The following SWAP70 variants were observed in gnomAD, a reference collection of about 807,000 sequenced individuals.
SWAP70 encodes the protein switching B cell complex subunit SWAP70.
A neutral mutation model predicts 80.2 loss-of-function variants in SWAP70; 34 were observed. The observed-to-expected ratio is 0.42, with a 90% CI of 0.32 to 0.56. The LOEUF (loss-of-function observed/expected upper bound fraction) is 0.56. Among genes scored for constraint, SWAP70 ranks in the 20% least tolerant of loss-of-function variants. SWAP70 has a pLI of 0.09. For synonymous variants in SWAP70, 239 were observed against 238.5 expected (o/e 1.00, Z -0.02); for missense variants, 578 against 690.7 (o/e 0.84, Z 1.83).
chr11:9,688,005 A>G (rs1264803831), intron 1 of SWAP70, among the ~76,000 whole-genome samples: 1 of 152,224 alleles, frequency 6.6e-6, no homozygotes, highest in African/African-American at 2.4e-5. Flanking sequence ...ACTGTGGGAC[A>G]GAGAGCTAAG....
At chr11:9,669,680 G>A (rs144824742) in intron 1 of SWAP70, among the ~76,000 whole-genome samples, 1 of 152,244 alleles carries the variant, frequency 6.6e-6, no homozygotes, top group African/African-American at 2.4e-5. Context: ...ATGTGTTCCT[G>A]TGTGTGTATG....
intron 3 of SWAP70, among the ~76,000 whole-genome samples, chr11:9,718,989 A>G (rs912566633): frequency 6.7e-6 from 1 of 148,302 alleles, no homozygotes; most frequent in African/African-American, 2.5e-5. Context: ...AGTCTCAGCT[A>G]CTCGGGAGGC....
intron 2 of SWAP70, among the ~76,000 whole-genome samples, chr11:9,711,972 C>T (rs564303731): frequency 2.6e-5 from 4 of 152,284 alleles, no homozygotes; most frequent in East Asian, 3.9e-4. Context: ...GCCTCCACTT[C>T]GGGGCTTTCT....
At chr11:9,682,587 C>T (rs1850581133) in intron 1 of SWAP70, among the ~76,000 whole-genome samples, 1 of 151,980 alleles carries the variant, frequency 6.6e-6, no homozygotes, top group African/African-American at 2.4e-5. Context: ...TTTCTTTTTT[C>T]TTTTTATAAA....
At chr11:9,694,748 C>T (rs545183957) in intron 2 of SWAP70, among the ~76,000 whole-genome samples, 1 of 152,216 alleles carries the variant, frequency 6.6e-6, no homozygotes, top group South Asian at 2.1e-4. Flanking sequence ...CAAATCAAAA[C>T]CACAATGAGA....
At chr11:9,696,963 G>C (rs969951256) in intron 2 of SWAP70, among the ~76,000 whole-genome samples, 1 of 152,078 alleles carries the variant, frequency 6.6e-6, no homozygotes. Flanking sequence ...TGTAATACCA[G>C]CATTTTGGGA....
intron 7 of SWAP70, 117 bp downstream of exon 7, chr11:9,732,827 T>C (rs1851317810): frequency 1.0e-6 from 1 of 991,804 alleles, no homozygotes. Context: ...AGGGAGATAC[T>C]TGTGGTGAAC....
Position 9,671,740 on chromosome 11 carries a change from A to ATATAAATATAAAATATATT in SWAP70, c.99+7464_99+7465insTAAATATAAAATATATTTA, listed in dbSNP as rs1274933645. 4.4e-3 allele frequency among the ~76,000 whole-genome samples: 243 copies of ATATAAATATAAAATATATT among 55,746 alleles called. 3 individuals carry two copies. Among genetic ancestry groups the ATATAAATATAAAATATATT allele is most frequent in the African/African-American group, 0.013 (230 of 18,092 alleles). The allele number at this position is 55,746 out of a possible 152,430, so 36.6% of individuals were successfully genotyped here. ...TATATAAATATATTTCTATGTATAC[A>ATATAAATATAAAATATATT]TAGAAATATAAATATATAAATATAT... On this transcript the variant is annotated intron_variant, in intron 1 of 11. Transcript: ENST00000318950.
At chr11:9,669,029 A>ATAT (rs2134413167) in intron 1 of SWAP70, among the ~76,000 whole-genome samples, 1 of 152,342 alleles carries the variant, frequency 6.6e-6, no homozygotes, top group Non-Finnish European at 1.5e-5. Flanking sequence ...ATCCTTAAAA[A>ATAT]ACATAAAGTC....
intron 3 of SWAP70, among the ~76,000 whole-genome samples, chr11:9,714,807 A>ATTTTTTT: frequency 7.8e-6 from 1 of 127,730 alleles, no homozygotes; most frequent in Non-Finnish European, 1.6e-5. Context: ...CCAAAAGGGG[A>ATTTTTTT]TTTTTTTTTT....
chr11:9,668,073 G>C (rs1310451049), intron 1 of SWAP70, among the ~76,000 whole-genome samples: 1 of 152,104 alleles, frequency 6.6e-6, no homozygotes, highest in South Asian at 2.1e-4. Flanking sequence ...ATTTTTAGTA[G>C]AGATGGGGTT....
Position 9,668,089 on chromosome 11 carries a change from A to G in SWAP70, c.99+3811A>G, listed in dbSNP as rs144850922. Among the ~76,000 whole-genome samples, 229 of 152,200 alleles carry G rather than the reference A, an allele frequency of 1.5e-3. 1 individual carries two copies. The highest frequency in any genetic ancestry group is 5.0e-3 in the African/African-American group (208 of 41,528). ...TTTTTAGTAGAGATGGGGTTTCACC[A>G]TGTTGGCTGGGCTCATCTCAAACTC... On this transcript the variant is annotated intron_variant, in intron 1 of 11. Coordinates refer to ENST00000318950, the MANE Select transcript of SWAP70 (RefSeq NM_015055.4).
At chr11:9,732,384 C>T in intron 6 of SWAP70, 145 bp from the exon 7 acceptor site, 2 of 828,820 alleles carry the variant, frequency 2.4e-6, no homozygotes, top group Non-Finnish European at 3.8e-6. Flanking sequence ...CAGGGTCACA[C>T]CACTATGGAG....
chr11:9,680,413 G>GTTAT (rs1318426998), intron 1 of SWAP70, among the ~76,000 whole-genome samples: 4 of 152,116 alleles, frequency 2.6e-5, no homozygotes, highest in Admixed American at 6.6e-5. Flanking sequence ...AACATATCTC[G>GTTAT]TTATTTATTT....
At position 9,747,845 on chromosome 11, in the gene SWAP70, C is replaced by T; in HGVS notation, c.1356-13C>T. 12 of 1,613,904 alleles carry T rather than the reference C, an allele frequency of 7.4e-6. No homozygotes were observed. Among genetic ancestry groups the T allele is most frequent in the Non-Finnish European group, 1.0e-5 (12 of 1,179,838 alleles). On this transcript the variant is annotated splice_polypyrimidine_tract_variant and intron_variant, in intron 9 of 11. Transcript: ENST00000318950. ...GGGCAGGATTTGATCTGGAGCTTTCCTCCACATTGTAGGTTGTTGGAGGAA... is the reference window on the plus strand; with the variant it reads ...GGGCAGGATTTGATCTGGAGCTTTCTTCCACATTGTAGGTTGTTGGAGGAA...
At chr11:9,697,779 T>C (rs943108424) in intron 2 of SWAP70, among the ~76,000 whole-genome samples, 2 of 152,216 alleles carry the variant, frequency 1.3e-5, no homozygotes, top group African/African-American at 4.8e-5. Flanking sequence ...TCATGTGTTA[T>C]ACATGTTTTT....
chr11:9,680,152 C>T (rs1453466739), intron 1 of SWAP70, among the ~76,000 whole-genome samples: 1 of 152,294 alleles, frequency 6.6e-6, no homozygotes, highest in East Asian at 1.9e-4. Flanking sequence ...AAAAAACATG[C>T]AGCCTTGTCC....
rs1434000672 is a variant in SWAP70 at position 9,752,816 on chromosome 11, G to A, written c.*2846G>A. The A allele has an allele frequency of 2.0e-5, 3 of 152,058 alleles. No individual in the cohort carries two copies. Among genetic ancestry groups the A allele is most frequent in the Admixed American group, 6.6e-5 (1 of 15,262 alleles). The allele number at this position is 152,058 out of a possible 1,614,324, so 9.4% of individuals were successfully genotyped here. Reference sequence around the variant, plus strand: ...AAATATTTATGATTTTAAAACATTCGTATGAAAACATTGTACAATGTAATA... The same window carrying A: ...AAATATTTATGATTTTAAAACATTCATATGAAAACATTGTACAATGTAATA... On this transcript the variant is annotated 3_prime_UTR_variant, in exon 12 of 12. Transcript: ENST00000318950.
At chr11:9,690,495 T>C (rs1279260253) in intron 1 of SWAP70, among the ~76,000 whole-genome samples, 3 of 152,090 alleles carry the variant, frequency 2.0e-5, no homozygotes, top group Non-Finnish European at 2.9e-5. Context: ...AAAGATTGCT[T>C]GAACTTAGGA....
Sources: allele counts gnomAD v4.1 joint callset (sites outside exome capture counted in the v4.1 genomes callset), GRCh38; gene constraint gnomAD v4.1.1; transcripts MANE v1.5; gene names NCBI Gene and HGNC (gene_info 2026-07-23, HGNC 2026-07-21).